RNF157: variants seen among roughly 807,000 people sequenced by gnomAD.
RNF157 encodes ring finger protein 157, also known as E3 ubiquitin ligase RNF157.
RNF157 carries 55 observed loss-of-function variants against 88.3 expected under a neutral mutation model. The observed-to-expected ratio is 0.62, with a 90% confidence interval of 0.50 to 0.78. The LOEUF is 0.78. RNF157 is among the 30% of genes least tolerant of loss of function. The probability of loss-of-function intolerance (pLI) is 0.00; values close to 1 mark genes in which losing one functional copy is unlikely to be tolerated. For missense variants in RNF157, 788 were observed against 860.8 expected (o/e 0.92, Z 1.06); for synonymous variants, 334 against 341.2 (o/e 0.98, Z 0.23).
chr17:76,166,606 A>G, intron 5 of RNF157, 79 bp from the exon 6 acceptor site: 1 of 1,167,846 alleles, frequency 8.6e-7, no homozygotes, highest in Non-Finnish European at 1.3e-6. Context: ...AGAAAGGGCG[A>G]TACTGTCAAG....
chr17:76,147,363 T>C, intron 18 of RNF157: 1 of 986,750 alleles, frequency 1.0e-6, no homozygotes, highest in Non-Finnish European at 1.2e-6. Flanking sequence ...AAGACACACA[T>C]GCATGCACAA....
intron 2 of RNF157, among the ~76,000 whole-genome samples, chr17:76,206,568 G>A (rs2069685485): frequency 6.6e-6 from 1 of 152,194 alleles, no homozygotes; most frequent in South Asian, 2.1e-4. Flanking sequence ...GGGAGGCCGA[G>A]GTGGGTGGAT....
At chr17:76,232,673 A>G (rs970555210) in intron 1 of RNF157, among the ~76,000 whole-genome samples, 2 of 152,154 alleles carry the variant, frequency 1.3e-5, no homozygotes, top group Non-Finnish European at 2.9e-5. Context: ...ACACTGTCCA[A>G]CTTTCCAAAG....
Position 76,167,191 on chromosome 17 carries a change from C to G in RNF157, c.444-65G>C, listed in dbSNP as rs554359213. On this transcript the variant is annotated intron_variant, in intron 4 of 18. Transcript: ENST00000269391. ...CGGCACAGATGGGTCTGACAACTTC[C>G]TCTGCTCATGCCTGTTCTCAATTAT... is the stretch of plus-strand genomic sequence containing the variant. 82 of 1,117,838 alleles carry G rather than the reference C, an allele frequency of 7.3e-5. 1 individual carries two copies. The East Asian group carries it at 1.3e-3, about 18-fold the overall frequency. 69.2% of individuals were successfully genotyped at this position (1,117,838 alleles called of 1,614,324 possible).
chr17:76,198,970 G>A (rs1484228456), intron 2 of RNF157, among the ~76,000 whole-genome samples: 1 of 152,166 alleles, frequency 6.6e-6, no homozygotes, highest in East Asian at 1.9e-4. Context: ...CTCCTCCGAC[G>A]TGTTCATGTT....
chr17:76,218,859 G>C (rs1441504679), intron 1 of RNF157, among the ~76,000 whole-genome samples: 1 of 151,690 alleles, frequency 6.6e-6, no homozygotes, highest in Non-Finnish European at 1.5e-5. Context: ...ACTTGAACCC[G>C]GGAAGTGGAG....
chr17:76,161,898 G>A lies in RNF157; in HGVS notation c.897C>T (p.Asn299=), dbSNP rs1443089258. The A allele has an allele frequency of 1.9e-6, 3 of 1,614,244 alleles. No homozygotes were observed. Among genetic ancestry groups the A allele is most frequent in the Non-Finnish European group, 2.5e-6 (3 of 1,180,044 alleles). ...GGTAGCGCAGCGTGTCTGCACAGGT[G>A]TTACAGAGGCAGAGGTGGCGACAGG... The part of the protein sequence containing the change: ...ILPCRHLCLC[N]TCADTLRYQA... The change falls in exon 10 of 19, where the codon AAC becomes AAT. Residue 299 remains asparagine (N), a synonymous_variant. Coordinates refer to ENST00000269391, the MANE Select transcript of RNF157 (RefSeq NM_052916.3). The surrounding 1 kb of genome is among the most constrained non-coding windows in gnomAD (Gnocchi z 4.6).
chr17:76,161,105 G>A lies in RNF157; in HGVS notation c.1065+430C>T, dbSNP rs1008777171. 6.6e-5 allele frequency among the ~76,000 whole-genome samples: 10 copies of A among 152,102 alleles called. No individual in the cohort carries two copies. Among genetic ancestry groups the A allele is most frequent in the Admixed American group, 2.0e-4 (3 of 15,262 alleles). Reference sequence around the variant, plus strand: ...CACCCTAATATCAGCACTTACACTAGGAAACTGAAGTCAGTTACTTTATCT... The same window carrying A: ...CACCCTAATATCAGCACTTACACTAAGAAACTGAAGTCAGTTACTTTATCT... On this transcript the variant is annotated intron_variant, in intron 11 of 18. Coordinates refer to ENST00000269391, the MANE Select transcript of RNF157 (RefSeq NM_052916.3). This position sits in a 1 kb window ranked among gnomAD's most constrained non-coding sequence, Gnocchi z 4.6.
chr17:76,224,049 G>T (rs1033732214), intron 1 of RNF157, among the ~76,000 whole-genome samples: 12 of 152,138 alleles, frequency 7.9e-5, no homozygotes, highest in African/African-American at 2.4e-5. Context: ...GCAATGCAAA[G>T]GGAACTTGCA....
intron 11 of RNF157, 129 bp from the exon 12 acceptor site, chr17:76,159,702 G>GT (rs1175758148): frequency 4.5e-6 from 3 of 671,576 alleles, no homozygotes; most frequent in Non-Finnish European, 7.7e-6. Context: ...AAGAACAACT[G>GT]TACTAGAGGC....
intron 2 of RNF157, among the ~76,000 whole-genome samples, chr17:76,189,884 C>G (rs983775184): frequency 7.2e-5 from 11 of 152,298 alleles, no homozygotes; most frequent in Middle Eastern, 3.4e-3. Flanking sequence ...GATGAAAAGG[C>G]ATTGCTGGGA....
Position 76,145,562 on chromosome 17 carries a change from T to G in RNF157, c.1922-209A>C, listed in dbSNP as rs1301986386. 1.5e-5 allele frequency: 8 copies of G among 516,392 alleles called. No individual in the cohort carries two copies. The African/African-American group carries it at 1.6e-4, about 10-fold the overall frequency. 32.0% of individuals were successfully genotyped at this position (516,392 alleles called of 1,614,324 possible). A position where few individuals can be genotyped will look rare whatever the true frequency, so the allele number is the denominator to read the frequency against. ...CAGAGCCTGCTCCTGCCCCCTGGGC[T>G]AGGTACAGTCACTGCCACTGTGGCT... is the stretch of plus-strand genomic sequence containing the variant. On this transcript the variant is annotated intron_variant, in intron 18 of 18. Coordinates refer to ENST00000269391, the MANE Select transcript of RNF157 (RefSeq NM_052916.3).
In RNF157 at chr17:76,182,864, A is replaced by C. The variant is rs911870419; in HGVS notation, c.208-9074T>G. Among the ~76,000 whole-genome samples, 22 of 144,360 alleles carry C rather than the reference A, an allele frequency of 1.5e-4. No individual in the cohort carries two copies. In the East Asian group the frequency reaches 4.4e-3, roughly 29 times the overall value. 94.7% of individuals were successfully genotyped at this position (144,360 alleles called of 152,430 possible). A position where few individuals can be genotyped will look rare whatever the true frequency, so the allele number is the denominator to read the frequency against. ...TATATAGGATATATAGGATATATAT[A>C]TCCTATATATCATAATAATATGAAA... On this transcript the variant is annotated intron_variant, in intron 2 of 18. Coordinates refer to ENST00000269391, the MANE Select transcript of RNF157 (RefSeq NM_052916.3).
At chr17:76,183,525 G>A (rs542235744) in intron 2 of RNF157, among the ~76,000 whole-genome samples, 3 of 151,940 alleles carry the variant, frequency 2.0e-5, no homozygotes, top group Admixed American at 2.0e-4. Flanking sequence ...TATTCACTGT[G>A]ACCATAGTGC....
intron 18 of RNF157, among the ~76,000 whole-genome samples, chr17:76,151,339 G>A (rs909197168): frequency 2.6e-5 from 4 of 152,246 alleles, no homozygotes; most frequent in African/African-American, 9.6e-5. Flanking sequence ...AAGCTTGTGT[G>A]GGGCCAGAGT....
chr17:76,216,549 C>T (rs1427492646), intron 1 of RNF157, among the ~76,000 whole-genome samples: 1 of 151,912 alleles, frequency 6.6e-6, no homozygotes, highest in Admixed American at 6.6e-5. Context: ...GAGCTCAAGA[C>T]CAGCCTAGGC....
chr17:76,227,800 C>G (rs1400316321), intron 1 of RNF157, among the ~76,000 whole-genome samples: 1 of 152,060 alleles, frequency 6.6e-6, no homozygotes, highest in Non-Finnish European at 1.5e-5. Context: ...TCGCTTGAAC[C>G]CGGGAGGCAG....
At chr17:76,155,488 AC>A in intron 15 of RNF157, 73 bp downstream of exon 15, 1 of 1,560,910 alleles carries the variant, frequency 6.4e-7, no homozygotes, top group Non-Finnish European at 8.8e-7. Context: ...TGCATGGCAG[AC>A]CTTTGGTTAT....
At chr17:76,226,498 A>T (rs1351423378) in intron 1 of RNF157, 2 of 1,611,984 alleles carry the variant, frequency 1.2e-6, no homozygotes, top group Non-Finnish European at 1.7e-6. Context: ...TTTCCAGGTC[A>T]TCTATACCCA....
Sources: allele counts gnomAD v4.1 joint callset (sites outside exome capture counted in the v4.1 genomes callset), GRCh38; gene constraint gnomAD v4.1.1; non-coding constraint Gnocchi (gnomAD v3.1); transcripts MANE v1.5; gene names NCBI Gene and HGNC (gene_info 2026-07-23, HGNC 2026-07-21).